TANGO6: variants seen among roughly 807,000 people sequenced by gnomAD.
TANGO6 encodes the protein transport and Golgi organization protein 6 homolog.
In TANGO6, 90 loss-of-function variants were observed where a neutral mutation model predicts 114.2. The ratio of observed to expected loss-of-function variants is 0.79; its 90% confidence interval spans 0.66 to 0.94. The LOEUF (loss-of-function observed/expected upper bound fraction) is 0.94, where lower values mean the gene tolerates loss of function less well. Ranked by LOEUF, TANGO6 falls within the 40% of genes least tolerant of loss-of-function variation. The probability of loss-of-function intolerance (pLI) is 0.00; values close to 1 mark genes in which losing one functional copy is unlikely to be tolerated. For synonymous variants in TANGO6, 477 were observed against 509.8 expected (o/e 0.94, Z 0.87); for missense variants, 1,274 against 1,315.3 (o/e 0.97, Z 0.49).
chr16:69,074,798 CTG>C (rs60702668), intron 17 of TANGO6, among the ~76,000 whole-genome samples: 11,714 of 135,072 alleles, frequency 0.087, 511 homozygotes, highest in African/African-American at 0.11. Context: ...GTTCGAATGC[CTG>C]TGTGTGTGTG....
intron 7 of TANGO6, among the ~76,000 whole-genome samples, chr16:68,898,946 C>CTTATTATTATTATTATTA (rs143073228): frequency 1.2e-4 from 18 of 144,988 alleles, no homozygotes; most frequent in African/African-American, 4.5e-4. Flanking sequence ...AATTATCTGC[C>CTTATTATTATTATTATTA]TTATTATTAT....
chr16:69,071,857 C>T (rs966629243), intron 17 of TANGO6, among the ~76,000 whole-genome samples: 1 of 152,210 alleles, frequency 6.6e-6, no homozygotes, highest in South Asian at 2.1e-4. Flanking sequence ...ACCTGTGTGC[C>T]CAAGGCAGTC....
chr16:69,077,673 A>G (rs1041710338), intron 17 of TANGO6, among the ~76,000 whole-genome samples: 5 of 152,060 alleles, frequency 3.3e-5, no homozygotes, highest in African/African-American at 1.2e-4. Context: ...TACTAAAAAT[A>G]CAAAAATTAG....
At chr16:69,006,664 T>C (rs964764301) in intron 15 of TANGO6, among the ~76,000 whole-genome samples, 1 of 152,040 alleles carries the variant, frequency 6.6e-6, no homozygotes, top group Admixed American at 6.6e-5. Flanking sequence ...GGCAGGAGAA[T>C]CCCTTGAACC....
Position 69,051,857 on chromosome 16 carries a change from T to A in TANGO6, c.3108+11436T>A, listed in dbSNP as rs147758825. Among the ~76,000 whole-genome samples, 1,095 of 151,586 alleles carry A rather than the reference T, an allele frequency of 7.2e-3. 10 individuals are homozygous for A. The highest frequency in any genetic ancestry group is 0.023 in the African/African-American group (934 of 41,450). Reference sequence around the variant, plus strand: ...CGAGACTGTCTCAAAAAATTAAAAATATATATATATATTTTTTCCATATTT... The same window carrying A: ...CGAGACTGTCTCAAAAAATTAAAAAAATATATATATATTTTTTCCATATTT... On this transcript the variant is annotated intron_variant, in intron 17 of 17. Transcript: ENST00000261778.
intron 16 of TANGO6, among the ~76,000 whole-genome samples, chr16:69,032,912 G>A (rs964572749): frequency 2.7e-5 from 4 of 145,490 alleles, no homozygotes; most frequent in South Asian, 2.2e-4. Context: ...GTTGGCAGGC[G>A]TGGTGGCTCA....
chr16:68,880,451 C>G (rs1159950518), intron 6 of TANGO6, 97 bp from the exon 7 acceptor site: 2 of 743,964 alleles, frequency 2.7e-6, no homozygotes, highest in Non-Finnish European at 2.2e-6. Flanking sequence ...GTGTTACTTA[C>G]TGAGCCATCT....
chr16:68,965,081 CT>C lies in TANGO6; in HGVS notation c.2702-8943del, dbSNP rs1207265719. On this transcript the variant is annotated intron_variant, in intron 14 of 17. Coordinates refer to ENST00000261778, the MANE Select transcript of TANGO6 (RefSeq NM_024562.2). ...TTTCTGGCTTACCACAGAATTTAGA[CT>C]TTTAAATGTAATACACCATTTTCTT... Among the ~76,000 whole-genome samples, 6 of 152,328 alleles carry C rather than the reference CT, an allele frequency of 3.9e-5. No homozygotes were observed. The East Asian group carries it at 1.2e-3, about 29-fold the overall frequency.
chr16:69,019,314 T>G (rs1324139152), intron 15 of TANGO6, among the ~76,000 whole-genome samples: 1 of 152,228 alleles, frequency 6.6e-6, no homozygotes, highest in Non-Finnish European at 1.5e-5. Context: ...TCCTCTTTTC[T>G]ATTCTGAAAA....
At position 68,863,065 on chromosome 16, in the gene TANGO6, C is replaced by T. The variant is rs1185796438; in HGVS notation, c.852+4C>T. ...CCTCCAGGGAGGACCACCCCAGGTA[C>T]TCAGGCCTAGGGACTCTTGGGGGTG... is the stretch of plus-strand genomic sequence containing the variant. On this transcript the variant is annotated splice_donor_region_variant and intron_variant, in intron 3 of 17. Coordinates refer to ENST00000261778, the MANE Select transcript of TANGO6 (RefSeq NM_024562.2). 1 of 1,537,276 alleles carries T rather than the reference C, an allele frequency of 6.5e-7. No homozygotes were observed. The highest frequency in any genetic ancestry group is 1.4e-5 in the African/African-American group (1 of 72,832).
At chr16:68,903,757 A>G (rs1172323858) in intron 9 of TANGO6, among the ~76,000 whole-genome samples, 1 of 151,876 alleles carries the variant, frequency 6.6e-6, no homozygotes, top group Non-Finnish European at 1.5e-5. Context: ...CCCCATCTCT[A>G]CTAAAAATAT....
intron 14 of TANGO6, chr16:68,973,130 A>G (rs1197483512): frequency 2.2e-6 from 1 of 456,044 alleles, no homozygotes; most frequent in South Asian, 1.5e-5. Context: ...CTCCATCTGC[A>G]ATGGATGAAA....
At chr16:68,938,343 A>C (rs940652727) in intron 14 of TANGO6, among the ~76,000 whole-genome samples, 1 of 152,204 alleles carries the variant, frequency 6.6e-6, no homozygotes. Flanking sequence ...GAGATCTGGC[A>C]AGCTCTGATT....
intron 15 of TANGO6, among the ~76,000 whole-genome samples, chr16:68,995,336 A>T (rs181823226): frequency 6.6e-6 from 1 of 152,354 alleles, no homozygotes; most frequent in African/African-American, 2.4e-5. Flanking sequence ...GGGTCCTGAC[A>T]TGTAGACACC....
intron 17 of TANGO6, among the ~76,000 whole-genome samples, chr16:69,047,877 A>G (rs934742488): frequency 5.9e-5 from 9 of 152,202 alleles, no homozygotes; most frequent in Non-Finnish European, 1.3e-4. Context: ...GTATTAAAAG[A>G]TAATTCTCAG....
chr16:68,945,056 A>G (rs1178527593), intron 14 of TANGO6, among the ~76,000 whole-genome samples: 2 of 152,176 alleles, frequency 1.3e-5, no homozygotes, highest in Non-Finnish European at 2.9e-5. Flanking sequence ...CAGGAGAATC[A>G]CTTGAACCCA....
At chr16:68,941,956 AG>A (rs544923399) in intron 14 of TANGO6, among the ~76,000 whole-genome samples, 1 of 152,162 alleles carries the variant, frequency 6.6e-6, no homozygotes, top group African/African-American at 2.4e-5. Flanking sequence ...CCCATCTCTT[AG>A]GGGGAAAAAA....
chr16:68,925,342 CTT>C (rs1169839350), intron 12 of TANGO6, among the ~76,000 whole-genome samples: 2 of 152,078 alleles, frequency 1.3e-5, no homozygotes, highest in East Asian at 3.9e-4. Flanking sequence ...TCCCTAATGA[CTT>C]ATGACATTGA....
intron 17 of TANGO6, among the ~76,000 whole-genome samples, chr16:69,053,913 A>C (rs1959992511): frequency 6.6e-6 from 1 of 152,148 alleles, no homozygotes; most frequent in Non-Finnish European, 1.5e-5. Flanking sequence ...AAATACAAAA[A>C]AATTAGCCAG....
Sources: gnomAD v4.1 joint callset for allele counts (sites outside exome capture counted in the v4.1 genomes callset) on GRCh38, gnomAD v4.1.1 for gene constraint, MANE v1.5 for transcripts, NCBI Gene and HGNC (gene_info 2026-07-23, HGNC 2026-07-21) for gene names.